Variants in ZNF892 observed in about 807,000 individuals in gnomAD.
The protein encoded by ZNF892 is zinc finger protein 892, also known as zinc finger protein 570-like.
the ZNF892 span, among the ~76,000 whole-genome samples, chr2:95,246,318 T>C: frequency 6.6e-6 from 1 of 152,218 alleles, no homozygotes; most frequent in Non-Finnish European, 1.5e-5. Context: ...CAACATCACT[T>C]CATGTTAAAA....
At chr2:95,238,966 C>T in the ZNF892 span, among the ~76,000 whole-genome samples, 1 of 152,022 alleles carries the variant, frequency 6.6e-6, no homozygotes, top group African/African-American at 2.4e-5. Flanking sequence ...TGGTAAAACC[C>T]CGTCTCTACT....
chr2:95,237,156 T>C, the ZNF892 span, among the ~76,000 whole-genome samples: 4 of 151,710 alleles, frequency 2.6e-5, no homozygotes, highest in African/African-American at 7.3e-5. Context: ...TTTTTTTTTT[T>C]TTTATTTTGA....
At chr2:95,220,549 G>A in the ZNF892 span, among the ~76,000 whole-genome samples, 5 of 152,128 alleles carry the variant, frequency 3.3e-5, no homozygotes, top group Admixed American at 2.6e-4. Context: ...ATAATATCCC[G>A]GATTTTTAGT....
the ZNF892 span, among the ~76,000 whole-genome samples, chr2:95,230,893 C>T: frequency 2.0e-5 from 3 of 152,192 alleles, no homozygotes; most frequent in Non-Finnish European, 4.4e-5. Flanking sequence ...AGTGCTGACA[C>T]GATAGTGTCT....
At chr2:95,254,918 G>C in the ZNF892 span, among the ~76,000 whole-genome samples, 2 of 152,030 alleles carry the variant, frequency 1.3e-5, no homozygotes, top group Non-Finnish European at 2.9e-5. Flanking sequence ...CTGTGGGATC[G>C]GTGGTGATAT....
chr2:95,214,894 G>T, the ZNF892 span: 1 of 504,500 alleles, frequency 2.0e-6, no homozygotes, highest in Non-Finnish European at 3.6e-6. Context: ...AAAGCCTTCA[G>T]TCACCGCTCA....
the ZNF892 span, among the ~76,000 whole-genome samples, chr2:95,234,145 G>A: frequency 6.6e-6 from 1 of 152,142 alleles, no homozygotes; most frequent in African/African-American, 2.4e-5. Context: ...CAGCCTCCTA[G>A]TTTTGTGAAA....
chr2:95,242,247 G>C, the ZNF892 span, among the ~76,000 whole-genome samples: 1 of 152,084 alleles, frequency 6.6e-6, no homozygotes, highest in African/African-American at 2.4e-5. Context: ...CAGAGAGAAA[G>C]GCCAGGCCAC....
chr2:95,226,398 T>G, the ZNF892 span, among the ~76,000 whole-genome samples: 1 of 152,212 alleles, frequency 6.6e-6, no homozygotes, highest in East Asian at 1.9e-4. Flanking sequence ...CTGTTTGACA[T>G]TTTTGCCTCA....
At chr2:95,208,923 T>C in the ZNF892 span, among the ~76,000 whole-genome samples, 1 of 152,234 alleles carries the variant, frequency 6.6e-6, no homozygotes, top group African/African-American at 2.4e-5. Context: ...CGTTGCTTTC[T>C]CTCTGCCCAC....
At chr2:95,228,452 A>C in the ZNF892 span, among the ~76,000 whole-genome samples, 1 of 152,212 alleles carries the variant, frequency 6.6e-6, no homozygotes, top group African/African-American at 2.4e-5. Flanking sequence ...TTTGCATCAC[A>C]TCAAGAGACT....
At chr2:95,255,261 A>T in the ZNF892 span, among the ~76,000 whole-genome samples, 1 of 152,128 alleles carries the variant, frequency 6.6e-6, no homozygotes, top group Non-Finnish European at 1.5e-5. Flanking sequence ...TGTGTCCCAT[A>T]GATTCTGGTA....
the ZNF892 span, among the ~76,000 whole-genome samples, chr2:95,244,125 A>G: frequency 2.7e-5 from 4 of 149,170 alleles, no homozygotes; most frequent in South Asian, 2.2e-4. Context: ...TGCTTTGTTA[A>G]ACAGATGCTT....
At chr2:95,218,701 G>T in the ZNF892 span, among the ~76,000 whole-genome samples, 1 of 152,150 alleles carries the variant, frequency 6.6e-6, no homozygotes, top group Non-Finnish European at 1.5e-5. Flanking sequence ...TCAAACAACA[G>T]AAATTTATTT....
the ZNF892 span, among the ~76,000 whole-genome samples, chr2:95,244,812 C>T: frequency 2.6e-5 from 4 of 152,094 alleles, no homozygotes; most frequent in African/African-American, 9.7e-5. Flanking sequence ...TCAGCAAATG[C>T]AAAGGACTGA....
the ZNF892 span, chr2:95,207,461 G>C: frequency 9.7e-6 from 2 of 206,376 alleles, no homozygotes. Flanking sequence ...GGGTCCTCTG[G>C]GAAGCGGTGT....
the ZNF892 span, among the ~76,000 whole-genome samples, chr2:95,238,298 G>A: frequency 2.6e-5 from 4 of 152,176 alleles, no homozygotes; most frequent in African/African-American, 9.7e-5. Flanking sequence ...GGGCCCTTAA[G>A]CATTGTGTGA....
the ZNF892 span, among the ~76,000 whole-genome samples, chr2:95,250,536 T>G: frequency 1.0e-4 from 15 of 147,650 alleles, no homozygotes; most frequent in East Asian, 2.7e-3. Context: ...TACTTATAAA[T>G]TTATAAATTT....
the ZNF892 span, among the ~76,000 whole-genome samples, chr2:95,262,129 A>G: frequency 6.6e-6 from 1 of 152,260 alleles, no homozygotes; most frequent in South Asian, 2.1e-4. Context: ...TGCTTCTAAA[A>G]TACTTTTACT....
Sources: gnomAD v4.1 joint callset for allele counts (sites outside exome capture counted in the v4.1 genomes callset) on GRCh38, gnomAD v4.1.1 for gene constraint, MANE v1.5 for transcripts, NCBI Gene and HGNC (gene_info 2026-07-23, HGNC 2026-07-21) for gene names.